The following MCC variants were observed in gnomAD, a reference collection of about 807,000 sequenced individuals.
MCC encodes colorectal mutant cancer protein.
A neutral mutation model predicts 116.2 loss-of-function variants in MCC; 90 were observed. That is an observed-to-expected ratio of 0.77 (90% confidence interval 0.65 to 0.92). MCC has a LOEUF of 0.92. Ranked by LOEUF, MCC falls within the 40% of genes least tolerant of loss-of-function variation. The probability of loss-of-function intolerance (pLI) is 0.00; values close to 1 mark genes in which losing one functional copy is unlikely to be tolerated. For synonymous variants in MCC, 578 were observed against 510.5 expected, an observed-to-expected ratio of 1.13 and a Z score of -1.78; for missense variants, 1,516 against 1,312.2, an observed-to-expected ratio of 1.16 and a Z score of -2.40.
chr5:113,037,913 G>A (rs1380197441), intron 17 of MCC, among the ~76,000 whole-genome samples: 1 of 152,174 alleles, frequency 6.6e-6, no homozygotes, highest in Non-Finnish European at 1.5e-5. Flanking sequence ...GTTAAGTTAG[G>A]GACCTACGGA....
intron 16 of MCC, 144 bp from the exon 17 acceptor site, chr5:113,043,774 G>C: frequency 1.6e-6 from 1 of 610,480 alleles, no homozygotes; most frequent in Non-Finnish European, 2.9e-6. Context: ...TGCCAAAGGG[G>C]AAAGCCTGGC....
chr5:113,100,683 G>A (rs1756350692), intron 8 of MCC, among the ~76,000 whole-genome samples: 2 of 152,042 alleles, frequency 1.3e-5, no homozygotes, highest in South Asian at 4.2e-4. Context: ...ATATTGGCCA[G>A]GCTGGTCTTG....
chr5:113,434,611 C>T lies in MCC; in HGVS notation c.171-49399G>A, dbSNP rs550752546. The T allele has an allele frequency of 5.0e-6, 8 of 1,613,854 alleles. No homozygotes were observed. The highest frequency in any genetic ancestry group is 1.1e-5 in the South Asian group (1 of 91,066). ...TTGCCATGTGATGTCTCAAAGATCT[C>T]GTAGGTCTTAATGATGGAGCAGTGG... is the stretch of plus-strand genomic sequence containing the variant. On this transcript the variant is annotated intron_variant, in intron 1 of 18. Coordinates refer to ENST00000408903, the MANE Select transcript of MCC (RefSeq NM_001085377.2). The surrounding 1 kb of genome is among the most constrained non-coding windows in gnomAD (Gnocchi z 4.2).
chr5:113,106,655 G>C (rs1367644985), intron 6 of MCC, among the ~76,000 whole-genome samples: 2 of 152,166 alleles, frequency 1.3e-5, no homozygotes, highest in Non-Finnish European at 2.9e-5. Context: ...AAACTCTTGG[G>C]TTCAACCTAT....
chr5:113,164,349 T>G (rs1258480055), intron 3 of MCC, among the ~76,000 whole-genome samples: 2 of 152,226 alleles, frequency 1.3e-5, no homozygotes, highest in Non-Finnish European at 2.9e-5. Context: ...ACTTGTCCCA[T>G]TGGTCTAGTT....
intron 3 of MCC, among the ~76,000 whole-genome samples, chr5:113,268,710 C>CA (rs1265443318): frequency 6.6e-6 from 1 of 152,132 alleles, no homozygotes; most frequent in African/African-American, 2.4e-5. Flanking sequence ...GCTGGCAAAA[C>CA]AAAAATTTTT....
At chr5:113,224,156 G>A (rs1763649059) in intron 3 of MCC, among the ~76,000 whole-genome samples, 1 of 152,162 alleles carries the variant, frequency 6.6e-6, no homozygotes, top group South Asian at 2.1e-4. Flanking sequence ...GTGCAGTGGT[G>A]TGATTTCGGC....
chr5:113,437,527 A>G (rs1233501065), intron 1 of MCC, among the ~76,000 whole-genome samples: 1 of 152,210 alleles, frequency 6.6e-6, no homozygotes, highest in African/African-American at 2.4e-5. Flanking sequence ...AAAATCCTAA[A>G]CTGACAGGAT....
rs1277442955 is a variant in MCC at position 113,126,274 on chromosome 5, A to G, written c.885-3448T>C. ...CTATGTAATGACCAGCAGTGGCAGA[A>G]AAATCACAGGCTGGCAGACTGGAAG... On this transcript the variant is annotated intron_variant, in intron 5 of 18. Coordinates refer to ENST00000408903, the MANE Select transcript of MCC (RefSeq NM_001085377.2). Among the ~76,000 whole-genome samples, 5 of 152,322 alleles carry G rather than the reference A, an allele frequency of 3.3e-5. No individual in the cohort carries two copies. The East Asian group carries it at 9.6e-4, about 29-fold the overall frequency.
chr5:113,350,484 C>T (rs1768242026), intron 2 of MCC, among the ~76,000 whole-genome samples: 1 of 152,050 alleles, frequency 6.6e-6, no homozygotes, highest in Non-Finnish European at 1.5e-5. Flanking sequence ...AAACTGGTAT[C>T]TTATTCAGAA....
chr5:113,245,556 G>T (rs10519342), intron 3 of MCC, among the ~76,000 whole-genome samples: 2 of 151,818 alleles, frequency 1.3e-5, no homozygotes, highest in Non-Finnish European at 2.9e-5. Flanking sequence ...GCCAAGAAGA[G>T]GTATGCCACC....
At chr5:113,127,994 T>C (rs1407990335) in intron 5 of MCC, among the ~76,000 whole-genome samples, 1 of 152,236 alleles carries the variant, frequency 6.6e-6, no homozygotes, top group Non-Finnish European at 1.5e-5. Context: ...TGTAATGTCA[T>C]GACTGAAGGA....
At chr5:113,365,356 T>C (rs549543318) in intron 2 of MCC, among the ~76,000 whole-genome samples, 1 of 152,320 alleles carries the variant, frequency 6.6e-6, no homozygotes, top group Admixed American at 6.5e-5. Context: ...TGCTAAACCG[T>C]AGCACAAGTG....
chr5:113,473,389 G>A (rs1213490075), intron 1 of MCC, among the ~76,000 whole-genome samples: 16 of 152,110 alleles, frequency 1.1e-4, no homozygotes, highest in South Asian at 2.1e-4. Flanking sequence ...CTGGGCATGG[G>A]GGTGGATGCC....
chr5:113,275,690 C>A (rs1581353104), intron 3 of MCC, among the ~76,000 whole-genome samples: 1 of 152,142 alleles, frequency 6.6e-6, no homozygotes, highest in East Asian at 1.9e-4. Context: ...GACAGTATAA[C>A]AACTATTTAC....
intron 17 of MCC, among the ~76,000 whole-genome samples, chr5:113,042,774 T>C (rs532486496): frequency 3.9e-4 from 59 of 151,554 alleles, no homozygotes; most frequent in African/African-American, 1.4e-3. Context: ...TTTGAAAACT[T>C]GGTTAAAAAA....
intron 3 of MCC, among the ~76,000 whole-genome samples, chr5:113,219,482 T>C (rs1763459233): frequency 6.6e-6 from 1 of 152,224 alleles, no homozygotes; most frequent in African/African-American, 2.4e-5. Context: ...ATTTTCCTAA[T>C]AGCTTATTTG....
Position 113,043,605 on chromosome 5 carries a change from G to A in MCC, c.2681C>T (p.Ala894Val). 2 of 1,614,134 alleles carry A rather than the reference G, an allele frequency of 1.2e-6. No homozygotes were observed. The highest frequency in any genetic ancestry group is 1.7e-6 in the Non-Finnish European group (2 of 1,179,968). The change falls in exon 17 of 19, where the codon GCT becomes GTT. Residue 894 changes from alanine (A) to valine (V), a missense_variant. Coordinates refer to ENST00000408903, the MANE Select transcript of MCC (RefSeq NM_001085377.2). ...GKECADAASPALSLAELRTTC... is the reference protein window; with the variant it reads ...GKECADAASPVLSLAELRTTC... ...TGTCCTGAGTTCGGCTAGGGACAGA[G>A]CTGGGGAGGCAGCATCAGCACACTC...
intron 17 of MCC, among the ~76,000 whole-genome samples, chr5:113,038,494 C>T (rs1751469787): frequency 6.6e-6 from 1 of 151,760 alleles, no homozygotes; most frequent in South Asian, 2.1e-4. Context: ...CGCTAGGAAC[C>T]AAAAAAGAAG....
Sources: gnomAD v4.1 joint callset for allele counts (sites outside exome capture counted in the v4.1 genomes callset) on GRCh38, gnomAD v4.1.1 for gene constraint, Gnocchi (gnomAD v3.1) non-coding constraint, MANE v1.5 for transcripts, NCBI Gene and HGNC (gene_info 2026-07-23, HGNC 2026-07-21) for gene names.